Variants in FARS2 observed in about 807,000 individuals in gnomAD.
FARS2 encodes the protein phenylalanyl-tRNA synthetase 2, mitochondrial, also known as phenylalanine--tRNA ligase, mitochondrial.
Under a neutral mutation model 46.4 loss-of-function variants are expected in FARS2, and 40 were observed. The observed-to-expected ratio is 0.86, with a 90% CI of 0.67 to 1.12. FARS2 has a LOEUF of 1.12. Among genes scored for constraint, FARS2 ranks in the 50% most tolerant of loss-of-function variants. The pLI is 0.00. For synonymous variants in FARS2, 234 were observed against 214.9 expected (o/e 1.09, Z -0.78); for missense variants, 513 against 567.9 (o/e 0.90, Z 0.98).
At chr6:5,449,087 G>A (rs1048470886) in intron 4 of FARS2, among the ~76,000 whole-genome samples, 5 of 152,112 alleles carry the variant, frequency 3.3e-5, no homozygotes, top group Non-Finnish European at 5.9e-5. Flanking sequence ...CGTGGCTCAC[G>A]CCTGTAATCC....
intron 6 of FARS2, among the ~76,000 whole-genome samples, chr6:5,646,532 A>T (rs1191105674): frequency 6.6e-6 from 1 of 152,142 alleles, no homozygotes; most frequent in Non-Finnish European, 1.5e-5. Flanking sequence ...TTTTAAAAGA[A>T]TGCCTAGTAG....
chr6:5,487,587 C>T (rs184228216), intron 4 of FARS2, among the ~76,000 whole-genome samples: 7 of 152,286 alleles, frequency 4.6e-5, no homozygotes, highest in African/African-American at 9.6e-5. Context: ...TGCCTGAAGT[C>T]GCACGTTTCA....
At chr6:5,536,375 A>G (rs963212768) in intron 4 of FARS2, among the ~76,000 whole-genome samples, 1 of 152,136 alleles carries the variant, frequency 6.6e-6, no homozygotes, top group African/African-American at 2.4e-5. Flanking sequence ...GTTTTAATTC[A>G]TCTTTCTTCA....
chr6:5,771,067 C>T (rs1279536925), intron 6 of FARS2, among the ~76,000 whole-genome samples: 1 of 152,186 alleles, frequency 6.6e-6, no homozygotes, highest in Non-Finnish European at 1.5e-5. Context: ...TTGATACATC[C>T]ACCCCAGTGG....
chr6:5,377,637 G>A (rs989857246), intron 2 of FARS2, among the ~76,000 whole-genome samples: 4 of 152,064 alleles, frequency 2.6e-5, no homozygotes, highest in Admixed American at 1.3e-4. Flanking sequence ...TCAAACTTGA[G>A]TGTATTAACC....
At chr6:5,326,123 A>G (rs1304587033) in intron 1 of FARS2, among the ~76,000 whole-genome samples, 1 of 152,220 alleles carries the variant, frequency 6.6e-6, no homozygotes, top group African/African-American at 2.4e-5. Context: ...AACTCATCCT[A>G]AGATAAATGG....
At chr6:5,477,886 G>T (rs1561648646) in intron 4 of FARS2, among the ~76,000 whole-genome samples, 1 of 152,178 alleles carries the variant, frequency 6.6e-6, no homozygotes, top group East Asian at 1.9e-4. Context: ...TGGGCGTGGT[G>T]GTGTGTACCT....
intron 2 of FARS2, among the ~76,000 whole-genome samples, chr6:5,379,725 T>TA (rs1759630406): frequency 6.6e-6 from 1 of 152,168 alleles, no homozygotes; most frequent in Non-Finnish European, 1.5e-5. Context: ...TCAAATGGGG[T>TA]ACCGAGGAGA....
intron 1 of FARS2, among the ~76,000 whole-genome samples, chr6:5,354,408 G>A (rs2127612750): frequency 6.6e-6 from 1 of 152,018 alleles, no homozygotes; most frequent in Middle Eastern, 3.4e-3. Flanking sequence ...ACAGAATGCA[G>A]ATTTTCTTAA....
intron 6 of FARS2, among the ~76,000 whole-genome samples, chr6:5,675,069 T>G (rs759833466): frequency 6.6e-6 from 1 of 152,188 alleles, no homozygotes; most frequent in African/African-American, 2.4e-5. Context: ...CTGCATTTTT[T>G]GGGGGAAAGA....
intron 6 of FARS2, among the ~76,000 whole-genome samples, chr6:5,724,174 G>T (rs760980444): frequency 6.6e-6 from 1 of 152,198 alleles, no homozygotes; most frequent in Non-Finnish European, 1.5e-5. Context: ...CAGCTTAGAC[G>T]CCTTTCCTAA....
intron 1 of FARS2, among the ~76,000 whole-genome samples, chr6:5,367,075 T>C (rs1051902697): frequency 6.6e-6 from 1 of 152,222 alleles, no homozygotes; most frequent in Non-Finnish European, 1.5e-5. Context: ...AAAGGTGCTG[T>C]GCACAGCTTC....
intron 4 of FARS2, chr6:5,431,647 T>TTTA: frequency 1.9e-6 from 1 of 532,996 alleles, no homozygotes; most frequent in Non-Finnish European, 3.8e-6. Flanking sequence ...TAATGCTTAA[T>TTTA]CCATCACCTC....
At chr6:5,472,776 A>T (rs1321690175) in intron 4 of FARS2, among the ~76,000 whole-genome samples, 1 of 152,160 alleles carries the variant, frequency 6.6e-6, no homozygotes, top group Non-Finnish European at 1.5e-5. Flanking sequence ...CAGCTGAGTA[A>T]CCCAGAATAA....
intron 6 of FARS2, among the ~76,000 whole-genome samples, chr6:5,625,668 G>A (rs1481361687): frequency 6.6e-6 from 1 of 152,206 alleles, no homozygotes; most frequent in East Asian, 1.9e-4. Flanking sequence ...AGAGAAATAA[G>A]GCTTAGGGGG....
chr6:5,658,668 G>T (rs1777712730), intron 6 of FARS2, among the ~76,000 whole-genome samples: 1 of 152,156 alleles, frequency 6.6e-6, no homozygotes, highest in Admixed American at 6.5e-5. Context: ...TTTCATCAAA[G>T]AACTAATCTT....
rs201375445 is a variant in FARS2, at chr6:5,683,919, C to T, written c.1217+70599C>T. On this transcript the variant is annotated intron_variant, in intron 6 of 6. Transcript: ENST00000274680. The stretch of plus-strand genomic sequence containing the variant: ...GTTTGCTGAGAATGATGGTTTCCAG[C>T]TTCATCTGTGTTGCTGCAGAAGACA... Among the ~76,000 whole-genome samples, 6 of 152,130 alleles carry T rather than the reference C, an allele frequency of 3.9e-5. No homozygotes were observed. In the East Asian group the frequency reaches 1.2e-3, roughly 29 times the overall value.
At chr6:5,340,883 C>G (rs1449713477) in intron 1 of FARS2, among the ~76,000 whole-genome samples, 1 of 151,876 alleles carries the variant, frequency 6.6e-6, no homozygotes, top group Non-Finnish European at 1.5e-5. Flanking sequence ...CGCGGTGGCT[C>G]ACGCCTGTAA....
At chr6:5,390,116 G>A (rs865932076) in intron 2 of FARS2, among the ~76,000 whole-genome samples, 3 of 151,994 alleles carry the variant, frequency 2.0e-5, no homozygotes, top group Non-Finnish European at 2.9e-5. Flanking sequence ...CACCCATGTC[G>A]GCCTCCCAAA....
Sources: allele counts gnomAD v4.1 joint callset (sites outside exome capture counted in the v4.1 genomes callset), GRCh38; gene constraint gnomAD v4.1.1; transcripts MANE v1.5; gene names NCBI Gene and HGNC (gene_info 2026-07-23, HGNC 2026-07-21).